Variants in SPOCK1 observed in about 807,000 individuals in gnomAD.
The protein encoded by SPOCK1 is testican-1.
In SPOCK1, 23 loss-of-function variants were observed where a neutral mutation model predicts 55.3. That is an observed-to-expected ratio of 0.42 (90% CI 0.30 to 0.59). The LOEUF is 0.59. Ranked by LOEUF, SPOCK1 falls within the 20% of genes least tolerant of loss-of-function variation. The pLI is 0.22. For synonymous variants in SPOCK1, 226 were observed against 221.0 expected (o/e 1.02, Z -0.20); for missense variants, 499 against 552.5 (o/e 0.90, Z 0.97).
At chr5:137,270,582 A>C (rs1227113861) in intron 2 of SPOCK1, among the ~76,000 whole-genome samples, 1 of 152,242 alleles carries the variant, frequency 6.6e-6, no homozygotes, top group Non-Finnish European at 1.5e-5. Flanking sequence ...AATGAATATT[A>C]TTCAACCCTT....
chr5:137,340,731 A>G (rs184563177), intron 2 of SPOCK1, among the ~76,000 whole-genome samples: 1 of 152,230 alleles, frequency 6.6e-6, no homozygotes, highest in East Asian at 1.9e-4. Flanking sequence ...AAATACAAAA[A>G]TTAGCTGGGC....
In SPOCK1 at chr5:137,080,005, A is replaced by G. The variant is rs1271297277; in HGVS notation, c.475-12176T>C. 2.0e-5 allele frequency among the ~76,000 whole-genome samples: 3 copies of G among 152,198 alleles called. No individual in the cohort carries two copies. The East Asian group carries it at 5.8e-4, about 29-fold the overall frequency. ...GTCATATGTCTATGTATTCTTCATAATACAGATACGAGCACTAAGTATATT... is the reference window on the plus strand; with the variant it reads ...GTCATATGTCTATGTATTCTTCATAGTACAGATACGAGCACTAAGTATATT... On this transcript the variant is annotated intron_variant, in intron 5 of 10. Transcript: ENST00000394945.
intron 2 of SPOCK1, among the ~76,000 whole-genome samples, chr5:137,448,326 T>C (rs534403403): frequency 1.3e-5 from 2 of 152,262 alleles, no homozygotes; most frequent in South Asian, 4.1e-4. Flanking sequence ...TCACCTCATG[T>C]TTGTACTAGA....
At chr5:137,085,411 G>A (rs976316392) in intron 5 of SPOCK1, among the ~76,000 whole-genome samples, 1 of 152,224 alleles carries the variant, frequency 6.6e-6, no homozygotes, top group African/African-American at 2.4e-5. Context: ...CAGCCCCAGT[G>A]AGATGATCCC....
At chr5:137,266,013 G>T (rs1176880291) in intron 3 of SPOCK1, among the ~76,000 whole-genome samples, 1 of 152,152 alleles carries the variant, frequency 6.6e-6, no homozygotes. Flanking sequence ...CAAAGCCTAT[G>T]ATAAATGTAT....
chr5:137,390,140 C>A (rs540284273), intron 2 of SPOCK1, among the ~76,000 whole-genome samples: 1 of 152,250 alleles, frequency 6.6e-6, no homozygotes, highest in African/African-American at 2.4e-5. Context: ...GACTCTGCAA[C>A]CTGGGGGTAC....
intron 3 of SPOCK1, among the ~76,000 whole-genome samples, chr5:137,193,617 T>G (rs190247429): frequency 8.7e-4 from 133 of 152,318 alleles, no homozygotes; most frequent in African/African-American, 3.0e-3. Flanking sequence ...TGTCCGCCTC[T>G]GATGAAATAA....
At chr5:137,107,892 T>C (rs1036606173) in intron 5 of SPOCK1, among the ~76,000 whole-genome samples, 9 of 152,172 alleles carry the variant, frequency 5.9e-5, no homozygotes, top group African/African-American at 2.2e-4. Context: ...TGATTATGTA[T>C]TATGGAGTGT....
chr5:137,073,579 G>A (rs1752659032), intron 5 of SPOCK1, among the ~76,000 whole-genome samples: 1 of 152,146 alleles, frequency 6.6e-6, no homozygotes, highest in Admixed American at 6.5e-5. Flanking sequence ...CCTCTGTGTG[G>A]TACACACACA....
At chr5:137,066,973 C>CACACACACACACAT (rs1158567364) in intron 6 of SPOCK1, among the ~76,000 whole-genome samples, 1 of 139,616 alleles carries the variant, frequency 7.2e-6, no homozygotes, top group Admixed American at 7.4e-5. Flanking sequence ...TACACACACA[C>CACACACACACACAT]ACACACACAC....
chr5:136,980,799 A>G (rs1750713839), intron 9 of SPOCK1, among the ~76,000 whole-genome samples: 1 of 152,214 alleles, frequency 6.6e-6, no homozygotes, highest in Admixed American at 6.5e-5. Context: ...TTCCTAATTC[A>G]TAAAATGATT....
intron 2 of SPOCK1, among the ~76,000 whole-genome samples, chr5:137,448,365 G>A (rs1753174759): frequency 6.6e-6 from 1 of 152,018 alleles, no homozygotes; most frequent in African/African-American, 2.4e-5. Context: ...AGCAAGTTAG[G>A]GTCCATCCTC....
At chr5:137,266,975 A>G in intron 3 of SPOCK1, 35 bp downstream of exon 3, 1 of 1,591,336 alleles carries the variant, frequency 6.3e-7, no homozygotes, top group Non-Finnish European at 8.6e-7. Context: ...CACATTTACC[A>G]CAGACTATAC....
At chr5:137,060,004 T>A (rs868421101) in intron 6 of SPOCK1, among the ~76,000 whole-genome samples, 3 of 152,348 alleles carry the variant, frequency 2.0e-5, no homozygotes, top group South Asian at 2.1e-4. Context: ...CTGATGGGAC[T>A]GTAAATTAGT....
chr5:137,080,168 T>C (rs1459818908), intron 5 of SPOCK1, among the ~76,000 whole-genome samples: 13 of 152,140 alleles, frequency 8.5e-5, no homozygotes, highest in Non-Finnish European at 1.5e-5. Context: ...CCCCAGCCCC[T>C]ATATGATAAA....
intron 2 of SPOCK1, among the ~76,000 whole-genome samples, chr5:137,268,036 C>G (rs1756891331): frequency 6.6e-6 from 1 of 152,236 alleles, no homozygotes; most frequent in African/African-American, 2.4e-5. Flanking sequence ...GCCTCAATAT[C>G]TCTTCTGGTA....
At chr5:137,329,179 T>C (rs1035082490) in intron 2 of SPOCK1, among the ~76,000 whole-genome samples, 1 of 152,142 alleles carries the variant, frequency 6.6e-6, no homozygotes, top group African/African-American at 2.4e-5. Flanking sequence ...GGAGCTCCTC[T>C]TGCGTAACTG....
At chr5:137,381,466 T>C (rs1365610602) in intron 2 of SPOCK1, among the ~76,000 whole-genome samples, 1 of 152,214 alleles carries the variant, frequency 6.6e-6, no homozygotes, top group Non-Finnish European at 1.5e-5. Flanking sequence ...GCTCCACCCC[T>C]GCAGCACACT....
At chr5:137,433,000 C>T (rs980410282) in intron 2 of SPOCK1, among the ~76,000 whole-genome samples, 35 of 152,172 alleles carry the variant, frequency 2.3e-4, no homozygotes, top group African/African-American at 8.2e-4. Context: ...ACTTCTTTCT[C>T]TAGGAAACCA....
Sources: allele counts gnomAD v4.1 joint callset (sites outside exome capture counted in the v4.1 genomes callset), GRCh38; gene constraint gnomAD v4.1.1; transcripts MANE v1.5; gene names NCBI Gene and HGNC (gene_info 2026-07-23, HGNC 2026-07-21).